DISC1: variants seen among roughly 807,000 people sequenced by gnomAD.
The protein encoded by DISC1 is DISC1 scaffold protein.
Under a neutral mutation model 84.5 loss-of-function variants are expected in DISC1, and 57 were observed. The ratio of observed to expected loss-of-function variants is 0.67; its 90% confidence interval spans 0.55 to 0.84. The LOEUF (loss-of-function observed/expected upper bound fraction) is 0.84, where lower values mean the gene tolerates loss of function less well. Among genes scored for constraint, DISC1 ranks in the 40% least tolerant of loss-of-function variants. DISC1 has a pLI of 0.00. For missense variants in DISC1, 1,000 were observed against 1,057.8 expected, an observed-to-expected ratio of 0.95 and a Z score of 0.76; for synonymous variants, 411 against 415.2, an observed-to-expected ratio of 0.99 and a Z score of 0.12.
chr1:232,008,471 G>A (rs1667736293), intron 10 of DISC1, among the ~76,000 whole-genome samples: 1 of 151,886 alleles, frequency 6.6e-6, no homozygotes, highest in African/African-American at 2.4e-5. Flanking sequence ...TTCAAAGCAA[G>A]TCAGTAGGGC....
In DISC1 at chr1:231,767,270, G is replaced by A. The variant is rs2125437356; in HGVS notation, c.1398+1G>A. The A allele has an allele frequency of 6.2e-7, 1 of 1,614,148 alleles. No individual in the cohort carries two copies. The highest frequency in any genetic ancestry group is 8.5e-7 in the Non-Finnish European group (1 of 1,180,034). The stretch of plus-strand genomic sequence containing the variant: ...TCTTCAGGAAAAGCAGCAGCTACAG[G>A]TGAGCAGGTGAAAGATCTTCAAGAA... On this transcript the variant is annotated splice_donor_variant, in intron 5 of 12. Coordinates refer to ENST00000439617, the MANE Select transcript of DISC1 (RefSeq NM_018662.3). LOFTEE classifies it high-confidence loss of function.
At chr1:231,740,402 C>A (rs950490138) in intron 3 of DISC1, among the ~76,000 whole-genome samples, 2 of 152,144 alleles carry the variant, frequency 1.3e-5, no homozygotes, top group African/African-American at 4.8e-5. Context: ...ATCTGGGTAC[C>A]CTGATCCTTA....
intron 8 of DISC1, among the ~76,000 whole-genome samples, chr1:231,803,618 A>C (rs1034553293): frequency 4.6e-5 from 7 of 152,118 alleles, no homozygotes; most frequent in Non-Finnish European, 7.4e-5. Context: ...TGATTTCCTC[A>C]GAGCCAGTGA....
At chr1:231,863,845 G>A (rs1241515332) in intron 9 of DISC1, among the ~76,000 whole-genome samples, 1 of 152,170 alleles carries the variant, frequency 6.6e-6, no homozygotes, top group Non-Finnish European at 1.5e-5. Context: ...GGAGGAAAAG[G>A]ACCAGTGTAG....
At chr1:231,903,658 G>A (rs1006534097) in intron 9 of DISC1, among the ~76,000 whole-genome samples, 2 of 152,066 alleles carry the variant, frequency 1.3e-5, no homozygotes, top group Non-Finnish European at 2.9e-5. Context: ...GGGGAGGGAT[G>A]TTCCAGGCAG....
intron 11 of DISC1, among the ~76,000 whole-genome samples, chr1:232,025,640 A>C (rs1171333894): frequency 1.4e-5 from 2 of 138,518 alleles, no homozygotes; most frequent in Non-Finnish European, 3.0e-5. Flanking sequence ...TCTGTCGCCC[A>C]GGCTGGAGTG....
chr1:231,834,229 T>C (rs1338503572), intron 9 of DISC1, among the ~76,000 whole-genome samples: 1 of 151,734 alleles, frequency 6.6e-6, no homozygotes, highest in African/African-American at 2.4e-5. Flanking sequence ...GATAAAAGGA[T>C]TATAGGGTGG....
chr1:231,827,860 C>G (rs1161007397), intron 9 of DISC1, among the ~76,000 whole-genome samples: 2 of 152,108 alleles, frequency 1.3e-5, no homozygotes, highest in Non-Finnish European at 2.9e-5. Flanking sequence ...ATGGCCGGTA[C>G]AGAAACCATC....
intron 3 of DISC1, among the ~76,000 whole-genome samples, chr1:231,738,344 T>A (rs995469700): frequency 6.6e-6 from 1 of 152,172 alleles, no homozygotes; most frequent in Non-Finnish European, 1.5e-5. Flanking sequence ...TTGCATGCAG[T>A]TGTTGTAGCT....
chr1:231,805,488 G>C (rs182593045), intron 8 of DISC1, among the ~76,000 whole-genome samples: 1 of 152,234 alleles, frequency 6.6e-6, no homozygotes, highest in East Asian at 1.9e-4. Flanking sequence ...GCAGGAGGAG[G>C]GGGGTGGGGG....
intron 4 of DISC1, 59 bp from the exon 5 acceptor site, chr1:231,767,081 G>C: frequency 6.2e-7 from 1 of 1,601,198 alleles, no homozygotes; most frequent in Non-Finnish European, 8.5e-7. Flanking sequence ...TAAAATACTT[G>C]TCAACATGAG....
chr1:231,831,246 G>A (rs2082202585), intron 9 of DISC1, among the ~76,000 whole-genome samples: 1 of 152,210 alleles, frequency 6.6e-6, no homozygotes, highest in African/African-American at 2.4e-5. Flanking sequence ...TAGTAGAATA[G>A]CAGATGGAAC....
intron 8 of DISC1, among the ~76,000 whole-genome samples, chr1:231,814,190 A>T (rs757737108): frequency 6.6e-6 from 1 of 152,146 alleles, no homozygotes; most frequent in Non-Finnish European, 1.5e-5. Flanking sequence ...GTTTAAAAGG[A>T]AGTGTTCTGG....
At chr1:231,873,404 C>T (rs1318236043) in intron 9 of DISC1, among the ~76,000 whole-genome samples, 1 of 152,184 alleles carries the variant, frequency 6.6e-6, no homozygotes, top group Non-Finnish European at 1.5e-5. Context: ...TGTGTTTCAG[C>T]CCCTTTCTAT....
chr1:231,668,999 G>A (rs940031387), intron 1 of DISC1, among the ~76,000 whole-genome samples: 14 of 152,142 alleles, frequency 9.2e-5, no homozygotes, highest in African/African-American at 3.4e-4. Flanking sequence ...CTTATTTGAT[G>A]TTCTCCTGCA....
chr1:231,678,172 A>G (rs1170420190), intron 1 of DISC1, among the ~76,000 whole-genome samples: 4 of 152,220 alleles, frequency 2.6e-5, no homozygotes, highest in African/African-American at 9.6e-5. Flanking sequence ...GAGATCGTAA[A>G]TAAAAAAATG....
intron 10 of DISC1, among the ~76,000 whole-genome samples, chr1:231,968,859 T>C (rs1354356921): frequency 6.6e-6 from 1 of 152,124 alleles, no homozygotes; most frequent in Non-Finnish European, 1.5e-5. Context: ...ATTTCTGAGC[T>C]GTGGGCCTTT....
At chr1:231,844,303 T>C (rs1316255364) in intron 9 of DISC1, among the ~76,000 whole-genome samples, 1 of 152,174 alleles carries the variant, frequency 6.6e-6, no homozygotes, top group African/African-American at 2.4e-5. Context: ...GAAAACACTT[T>C]ACTTATGTGT....
intron 1 of DISC1, among the ~76,000 whole-genome samples, chr1:231,641,421 T>C (rs772878444): frequency 6.6e-6 from 1 of 151,434 alleles, no homozygotes; most frequent in African/African-American, 2.4e-5. Context: ...TCGTTCCTCC[T>C]TGTAGGTTCG....
Sources: allele counts gnomAD v4.1 joint callset (sites outside exome capture counted in the v4.1 genomes callset), GRCh38; gene constraint gnomAD v4.1.1; transcripts MANE v1.5; gene names NCBI Gene and HGNC (gene_info 2026-07-23, HGNC 2026-07-21).